The following NKAIN2 variants were observed in gnomAD, a reference collection of about 807,000 sequenced individuals.
NKAIN2 encodes the protein sodium/potassium transporting ATPase interacting 2.
A neutral mutation model predicts 32.6 loss-of-function variants in NKAIN2; 14 were observed. The ratio of observed to expected loss-of-function variants is 0.43; its 90% confidence interval spans 0.28 to 0.67. NKAIN2 has a LOEUF of 0.67. Among genes scored for constraint, NKAIN2 ranks in the 30% least tolerant of loss-of-function variants. The pLI is 0.17. For missense variants in NKAIN2, 198 were observed against 258.3 expected, an observed-to-expected ratio of 0.77 and a Z score of 1.60; for synonymous variants, 80 against 87.2, an observed-to-expected ratio of 0.92 and a Z score of 0.46.
chr6:124,487,396 T>C (rs1393645466), intron 3 of NKAIN2, among the ~76,000 whole-genome samples: 1 of 152,186 alleles, frequency 6.6e-6, no homozygotes. Flanking sequence ...ATTTCTGAAC[T>C]GTTCAAATAT....
intron 1 of NKAIN2, among the ~76,000 whole-genome samples, chr6:124,058,386 A>G (rs1782769091): frequency 6.6e-6 from 1 of 152,076 alleles, no homozygotes; most frequent in Non-Finnish European, 1.5e-5. Flanking sequence ...GAGTGAAAGT[A>G]TATTGTGAGA....
intron 1 of NKAIN2, among the ~76,000 whole-genome samples, chr6:123,974,883 C>T (rs888456364): frequency 5.9e-5 from 9 of 152,106 alleles, no homozygotes; most frequent in Admixed American, 1.3e-4. Flanking sequence ...ACAGAGAGTG[C>T]GTCCTGCAGT....
At chr6:123,926,635 A>G (rs369028606) in intron 1 of NKAIN2, among the ~76,000 whole-genome samples, 1 of 152,168 alleles carries the variant, frequency 6.6e-6, no homozygotes, top group South Asian at 2.1e-4. Context: ...GAGATATTGC[A>G]TAAGTTTTGC....
At chr6:124,303,087 G>A (rs1469658345) in intron 2 of NKAIN2, among the ~76,000 whole-genome samples, 1 of 152,172 alleles carries the variant, frequency 6.6e-6, no homozygotes, top group African/African-American at 2.4e-5. Flanking sequence ...TCTTTCAGGA[G>A]AGAGGATCTA....
chr6:124,042,436 C>T (rs1284726568), intron 1 of NKAIN2, among the ~76,000 whole-genome samples: 2 of 151,990 alleles, frequency 1.3e-5, no homozygotes, highest in Admixed American at 1.3e-4. Context: ...CCAAGGGCTT[C>T]CAAATATTAT....
intron 2 of NKAIN2, among the ~76,000 whole-genome samples, chr6:124,346,637 T>C (rs1798436973): frequency 6.6e-6 from 1 of 151,704 alleles, no homozygotes. Context: ...GTCTGTTTTA[T>C]CAGAGACTAG....
At chr6:124,307,745 C>T (rs1031791589) in intron 2 of NKAIN2, among the ~76,000 whole-genome samples, 2 of 152,050 alleles carry the variant, frequency 1.3e-5, no homozygotes, top group African/African-American at 4.8e-5. Flanking sequence ...CTTTGTTGTA[C>T]TTTTAAAAAA....
At chr6:124,536,438 T>C (rs1242838803) in intron 3 of NKAIN2, among the ~76,000 whole-genome samples, 3 of 152,070 alleles carry the variant, frequency 2.0e-5, no homozygotes, top group Admixed American at 1.3e-4. Context: ...AAACCCTGCA[T>C]AGGGATTTTC....
intron 4 of NKAIN2, among the ~76,000 whole-genome samples, chr6:124,755,656 G>T (rs1777929994): frequency 6.6e-6 from 1 of 152,124 alleles, no homozygotes; most frequent in South Asian, 2.1e-4. Flanking sequence ...TGGGAACTAA[G>T]TGATGAGAAC....
At chr6:124,552,440 G>A (rs1352887171) in intron 3 of NKAIN2, among the ~76,000 whole-genome samples, 2 of 152,308 alleles carry the variant, frequency 1.3e-5, no homozygotes, top group Non-Finnish European at 2.9e-5. Context: ...TTATAATCCA[G>A]TAGCTGGTGG....
At chr6:124,429,826 G>A (rs1340052709) in intron 3 of NKAIN2, among the ~76,000 whole-genome samples, 1 of 152,118 alleles carries the variant, frequency 6.6e-6, no homozygotes, top group East Asian at 1.9e-4. Context: ...ACGTCCCTGG[G>A]CCTATCCTGA....
At chr6:124,141,790 C>T (rs1787152096) in intron 1 of NKAIN2, among the ~76,000 whole-genome samples, 1 of 152,134 alleles carries the variant, frequency 6.6e-6, no homozygotes, top group Admixed American at 6.6e-5. Flanking sequence ...ATTCCCACTC[C>T]AGTCCCCAAT....
intron 1 of NKAIN2, among the ~76,000 whole-genome samples, chr6:123,833,790 C>T (rs536107055): frequency 1.1e-4 from 17 of 148,568 alleles, no homozygotes; most frequent in Admixed American, 2.0e-4. Context: ...TACAGTGGCA[C>T]GATCTCGGCT....
intron 3 of NKAIN2, among the ~76,000 whole-genome samples, chr6:124,384,028 A>G (rs917626536): frequency 6.6e-6 from 1 of 152,202 alleles, no homozygotes; most frequent in Non-Finnish European, 1.5e-5. Flanking sequence ...GGGCTCATAT[A>G]GTGTAAGTAT....
intron 3 of NKAIN2, among the ~76,000 whole-genome samples, chr6:124,474,874 A>ATAATATATACATATG (rs1316146857): frequency 1.4e-5 from 2 of 146,848 alleles, no homozygotes; most frequent in Non-Finnish European, 3.0e-5. Flanking sequence ...ATATACATAT[A>ATAATATATACATATG]TTGTATATTA....
chr6:123,894,826 G>A (rs939286337), intron 1 of NKAIN2, among the ~76,000 whole-genome samples: 1 of 152,094 alleles, frequency 6.6e-6, no homozygotes, highest in African/African-American at 2.4e-5. Flanking sequence ...AAAAGCCATG[G>A]CAACCGTAGC....
At chr6:123,982,264 T>G (rs924588677) in intron 1 of NKAIN2, among the ~76,000 whole-genome samples, 1 of 152,174 alleles carries the variant, frequency 6.6e-6, no homozygotes, top group Non-Finnish European at 1.5e-5. Flanking sequence ...ATATTGTATT[T>G]ATTGCTTTCA....
intron 1 of NKAIN2, among the ~76,000 whole-genome samples, chr6:123,969,524 G>T (rs111964931): frequency 6.3e-4 from 96 of 152,246 alleles, no homozygotes; most frequent in African/African-American, 2.1e-3. Context: ...CAGTAATGCC[G>T]GAGCCAGAAT....
chr6:123,904,043 C>T lies in NKAIN2; in HGVS notation c.54+99789C>T, dbSNP rs1582749405. ...GGGAGTTTGAGACCAGCCTGACCAA[C>T]AAGAAGAAACCCCGTCTCTACTAAA... On this transcript the variant is annotated intron_variant, in intron 1 of 6. Coordinates refer to ENST00000368417, the MANE Select transcript of NKAIN2 (RefSeq NM_001040214.3). 1.3e-5 allele frequency among the ~76,000 whole-genome samples: 2 copies of T among 151,622 alleles called. 1 individual carries two copies. The highest frequency in any genetic ancestry group is 1.3e-4 in the Admixed American group (2 of 15,220).
Sources: allele counts gnomAD v4.1 joint callset (sites outside exome capture counted in the v4.1 genomes callset), GRCh38; gene constraint gnomAD v4.1.1; transcripts MANE v1.5; gene names NCBI Gene and HGNC (gene_info 2026-07-23, HGNC 2026-07-21).